The following ARHGAP6 variants were observed in gnomAD, a reference collection of about 807,000 sequenced individuals.
ARHGAP6 encodes Rho GTPase activating protein 6.
In ARHGAP6, 16 loss-of-function variants were observed where a neutral mutation model predicts 55.7. That is an observed-to-expected ratio of 0.29 (90% CI 0.19 to 0.44). The LOEUF is 0.44. Ranked by LOEUF, ARHGAP6 falls within the 20% of genes least tolerant of loss-of-function variation. The pLI is 1.00. For synonymous variants in ARHGAP6, 382 were observed against 360.9 expected, an observed-to-expected ratio of 1.06 and a Z score of -0.66; for missense variants, 698 against 808.9, an observed-to-expected ratio of 0.86 and a Z score of 1.66.
At chrX:11,549,020 C>T (rs769328033) in intron 1 of ARHGAP6, among the ~76,000 whole-genome samples, 3 of 112,376 alleles carry the variant, frequency 2.7e-5, no homozygotes, top group Non-Finnish European at 5.6e-5. Context: ...AATAGTTAAA[C>T]ATAAGATCCA....
intron 1 of ARHGAP6, among the ~76,000 whole-genome samples, chrX:11,458,238 T>C (rs1439417988): frequency 8.9e-6 from 1 of 112,439 alleles, no homozygotes; most frequent in Non-Finnish European, 1.9e-5. Flanking sequence ...CTGCCATAGA[T>C]TCAATAGATT....
intron 1 of ARHGAP6, among the ~76,000 whole-genome samples, chrX:11,414,795 C>T (rs1357332942): frequency 8.9e-6 from 1 of 111,898 alleles, no homozygotes; most frequent in Non-Finnish European, 1.9e-5. Context: ...TAAATCACCT[C>T]ATCCTTAATT....
At chrX:11,579,878 T>TC (rs758411751) in intron 1 of ARHGAP6, among the ~76,000 whole-genome samples, 5 of 111,418 alleles carry the variant, frequency 4.5e-5, no homozygotes, top group Non-Finnish European at 9.4e-5. Flanking sequence ...AGACAAAATC[T>TC]CCCCCAAGGA....
chrX:11,190,441 C>T (rs1383474987), intron 3 of ARHGAP6, among the ~76,000 whole-genome samples: 1 of 68,143 alleles, frequency 1.5e-5, no homozygotes, highest in African/African-American at 6.2e-5. Flanking sequence ...ACCAGACCTC[C>T]TGTTATGTAC....
intron 2 of ARHGAP6, among the ~76,000 whole-genome samples, chrX:11,234,724 C>G (rs144219905): frequency 8.9e-6 from 1 of 112,604 alleles, no homozygotes; most frequent in East Asian, 2.8e-4. Context: ...TGAAAACTTA[C>G]GTCCACACAA....
At chrX:11,156,412 G>T in intron 10 of ARHGAP6, 117 bp downstream of exon 10, 1 of 613,190 alleles carries the variant, frequency 1.6e-6, no homozygotes, top group Non-Finnish European at 2.5e-6. Flanking sequence ...CCAAAGAGTT[G>T]CCAAAATTCC....
chrX:11,423,072 C>T (rs1395155663), intron 1 of ARHGAP6, among the ~76,000 whole-genome samples: 1 of 112,239 alleles, frequency 8.9e-6, no homozygotes, highest in East Asian at 2.8e-4. Flanking sequence ...AAAAATTTTG[C>T]TTTTATGAGG....
chrX:11,490,909 C>T (rs2050560627), intron 1 of ARHGAP6, among the ~76,000 whole-genome samples: 1 of 112,258 alleles, frequency 8.9e-6, no homozygotes, highest in Non-Finnish European at 1.9e-5. Context: ...AAAAACTTAA[C>T]CATTTTTCAA....
intron 1 of ARHGAP6, among the ~76,000 whole-genome samples, chrX:11,567,562 A>AT (rs1486928052): frequency 1.4e-3 from 91 of 64,397 alleles, no homozygotes; most frequent in African/African-American, 5.5e-3. Context: ...TCAAAAAAAA[A>AT]AAAAATATAT....
At chrX:11,453,429 G>A (rs1018594247) in intron 1 of ARHGAP6, among the ~76,000 whole-genome samples, 7 of 107,123 alleles carry the variant, frequency 6.5e-5, no homozygotes, top group Admixed American at 2.1e-4. Flanking sequence ...GGCCTCCAAC[G>A]GGGACCCTTG....
intron 8 of ARHGAP6, among the ~76,000 whole-genome samples, chrX:11,176,979 C>T (rs189487215): frequency 8.9e-6 from 1 of 112,255 alleles, no homozygotes; most frequent in East Asian, 2.8e-4. Flanking sequence ...TACATAACCA[C>T]GTTCTTTGGG....
chrX:11,605,872 G>GA (rs1172336228), intron 1 of ARHGAP6, among the ~76,000 whole-genome samples: 2 of 109,596 alleles, frequency 1.8e-5, no homozygotes, highest in Non-Finnish European at 3.8e-5. Flanking sequence ...AAGGTGAACT[G>GA]AAAAAAAGCC....
intron 1 of ARHGAP6, among the ~76,000 whole-genome samples, chrX:11,392,064 C>G (rs1357999727): frequency 4.5e-5 from 5 of 112,106 alleles, no homozygotes. Context: ...TTGTTCCATC[C>G]TAAATCACTG....
At chrX:11,166,130 G>A (rs1002127535) in intron 9 of ARHGAP6, among the ~76,000 whole-genome samples, 4 of 111,707 alleles carry the variant, frequency 3.6e-5, no homozygotes, top group African/African-American at 1.3e-4. Context: ...GACGAAGCCA[G>A]GTTCTTTTCC....
At chrX:11,313,846 G>A (rs1344457457) in intron 1 of ARHGAP6, among the ~76,000 whole-genome samples, 1 of 112,110 alleles carries the variant, frequency 8.9e-6, no homozygotes, top group Non-Finnish European at 1.9e-5. Flanking sequence ...TCCCCACACA[G>A]ACCTTAGATT....
intron 1 of ARHGAP6, among the ~76,000 whole-genome samples, chrX:11,273,828 A>G (rs1249042649): frequency 8.9e-6 from 1 of 111,910 alleles, no homozygotes; most frequent in Non-Finnish European, 1.9e-5. Context: ...AAAGATTTAG[A>G]TATGTGGGGA....
intron 1 of ARHGAP6, among the ~76,000 whole-genome samples, chrX:11,263,362 T>C (rs749760187): frequency 1.8e-5 from 2 of 111,710 alleles, no homozygotes; most frequent in Non-Finnish European, 3.8e-5. Flanking sequence ...CTGTATAGCC[T>C]GCAGAACTGT....
At chrX:11,157,075 G>C (rs1395350123) in intron 9 of ARHGAP6, among the ~76,000 whole-genome samples, 1 of 112,174 alleles carries the variant, frequency 8.9e-6, no homozygotes, top group East Asian at 2.8e-4. Flanking sequence ...AGTTTATTAA[G>C]AAGGCAGGCC....
intron 1 of ARHGAP6, among the ~76,000 whole-genome samples, chrX:11,549,356 A>G (rs1235555296): frequency 8.9e-6 from 1 of 112,385 alleles, no homozygotes; most frequent in African/African-American, 3.2e-5. Context: ...AACCTGTAGA[A>G]TGGGATAAAA....
Sources: gnomAD v4.1 joint callset for allele counts (sites outside exome capture counted in the v4.1 genomes callset) on GRCh38, gnomAD v4.1.1 for gene constraint, MANE v1.5 for transcripts, NCBI Gene and HGNC (gene_info 2026-07-23, HGNC 2026-07-21) for gene names.